PCDH9: variants seen among roughly 807,000 people sequenced by gnomAD.
PCDH9 encodes the protein protocadherin 9, also known as protocadherin-9.
A neutral mutation model predicts 70.6 loss-of-function variants in PCDH9; 24 were observed. The observed-to-expected ratio is 0.34, with a 90% CI of 0.25 to 0.48. The LOEUF (loss-of-function observed/expected upper bound fraction) is 0.48, where lower values mean the gene tolerates loss of function less well. Among genes scored for constraint, PCDH9 ranks in the 20% least tolerant of loss-of-function variants. The probability of loss-of-function intolerance (pLI) is 0.99; values close to 1 mark genes in which losing one functional copy is unlikely to be tolerated. For synonymous variants in PCDH9, 562 were observed against 558.5 expected (o/e 1.01, Z -0.09); for missense variants, 1,281 against 1,503.6 (o/e 0.85, Z 2.45).
intron 4 of PCDH9, among the ~76,000 whole-genome samples, chr13:66,582,491 T>G (rs1457322614): frequency 6.6e-6 from 1 of 151,788 alleles, no homozygotes; most frequent in African/African-American, 2.4e-5. Flanking sequence ...AAATTAACCT[T>G]GTGTGGTGTT....
At chr13:67,115,752 T>C (rs1008970224) in intron 2 of PCDH9, among the ~76,000 whole-genome samples, 2 of 152,228 alleles carry the variant, frequency 1.3e-5, no homozygotes, top group African/African-American at 4.8e-5. Flanking sequence ...GACTTTAATA[T>C]GTGGTATTTT....
At chr13:66,692,303 T>TA (rs1474916391) in intron 3 of PCDH9, among the ~76,000 whole-genome samples, 1 of 151,834 alleles carries the variant, frequency 6.6e-6, no homozygotes, top group African/African-American at 2.4e-5. Flanking sequence ...TATTGAAAAA[T>TA]AAAAAAAGCA....
At chr13:67,138,212 T>C (rs1466174206) in intron 2 of PCDH9, among the ~76,000 whole-genome samples, 4 of 152,096 alleles carry the variant, frequency 2.6e-5, no homozygotes, top group African/African-American at 7.2e-5. Flanking sequence ...CTATACAAAA[T>C]GGCAAAAAGA....
chr13:66,578,781 C>T (rs1276174553), intron 4 of PCDH9, among the ~76,000 whole-genome samples: 1 of 152,040 alleles, frequency 6.6e-6, no homozygotes, highest in Non-Finnish European at 1.5e-5. Context: ...AACATAATGA[C>T]ACATAATATG....
At chr13:66,360,620 G>A (rs1398586852) in intron 4 of PCDH9, among the ~76,000 whole-genome samples, 1 of 152,004 alleles carries the variant, frequency 6.6e-6, no homozygotes, top group Non-Finnish European at 1.5e-5. Flanking sequence ...CTACCTATAA[G>A]TAACAAATGT....
intron 4 of PCDH9, among the ~76,000 whole-genome samples, chr13:66,508,820 T>C (rs994051582): frequency 6.6e-6 from 1 of 152,346 alleles, no homozygotes; most frequent in African/African-American, 2.4e-5. Flanking sequence ...CAATGAAGAA[T>C]TTGAAAGCTA....
At chr13:66,683,857 T>G (rs945036595) in intron 3 of PCDH9, among the ~76,000 whole-genome samples, 2 of 151,992 alleles carry the variant, frequency 1.3e-5, no homozygotes, top group African/African-American at 2.4e-5. Context: ...AAGCCCTTTT[T>G]TCACACAGTC....
chr13:66,713,928 C>A (rs1285071048), intron 3 of PCDH9, among the ~76,000 whole-genome samples: 1 of 152,088 alleles, frequency 6.6e-6, no homozygotes, highest in East Asian at 1.9e-4. Flanking sequence ...GTGACTCCTG[C>A]TAAATATTCT....
intron 4 of PCDH9, among the ~76,000 whole-genome samples, chr13:66,573,216 C>G (rs2076759385): frequency 7.0e-6 from 1 of 143,506 alleles, no homozygotes; most frequent in Admixed American, 6.9e-5. Flanking sequence ...TACTTTTTGG[C>G]TATTTGTATG....
At chr13:66,665,298 C>T (rs1012842515) in intron 3 of PCDH9, among the ~76,000 whole-genome samples, 1 of 152,034 alleles carries the variant, frequency 6.6e-6, no homozygotes, top group African/African-American at 2.4e-5. Context: ...AGGGTCTCAC[C>T]ATGTTGGCCA....
chr13:66,680,396 T>C (rs1162633977), intron 3 of PCDH9, among the ~76,000 whole-genome samples: 1 of 151,988 alleles, frequency 6.6e-6, no homozygotes, highest in African/African-American at 2.4e-5. Flanking sequence ...CTGCAACCTG[T>C]GATATTTAAC....
At chr13:67,046,758 C>A (rs1375076405) in intron 2 of PCDH9, among the ~76,000 whole-genome samples, 1 of 151,612 alleles carries the variant, frequency 6.6e-6, no homozygotes, top group Non-Finnish European at 1.5e-5. Context: ...ATAGAAAAAA[C>A]ACACTAAGAA....
chr13:66,744,844 A>G (rs2079333734), intron 3 of PCDH9, among the ~76,000 whole-genome samples: 1 of 152,154 alleles, frequency 6.6e-6, no homozygotes. Context: ...TAGTTCTGGC[A>G]TTTACTGACT....
intron 4 of PCDH9, among the ~76,000 whole-genome samples, chr13:66,432,704 A>G (rs1343207443): frequency 1.3e-5 from 2 of 151,938 alleles, no homozygotes; most frequent in African/African-American, 2.4e-5. Flanking sequence ...ACCTCTTCCC[A>G]TCACAATTGA....
chr13:67,030,186 T>C (rs535326033), intron 2 of PCDH9, among the ~76,000 whole-genome samples: 1 of 152,314 alleles, frequency 6.6e-6, no homozygotes, highest in East Asian at 1.9e-4. Flanking sequence ...GTTCAAGCTC[T>C]GGAGCTATAG....
intron 4 of PCDH9, among the ~76,000 whole-genome samples, chr13:66,548,998 A>G (rs1223659463): frequency 2.6e-5 from 4 of 152,090 alleles, no homozygotes; most frequent in Non-Finnish European, 5.9e-5. Context: ...TAATTAATTC[A>G]AGGAAAACCA....
intron 2 of PCDH9, among the ~76,000 whole-genome samples, chr13:67,190,978 A>G (rs1026860379): frequency 2.0e-5 from 3 of 152,082 alleles, no homozygotes; most frequent in African/African-American, 7.2e-5. Flanking sequence ...ACACTAACAA[A>G]TGATTGCACA....
At chr13:66,387,574 TC>T (rs1956950920) in intron 4 of PCDH9, among the ~76,000 whole-genome samples, 2 of 150,982 alleles carry the variant, frequency 1.3e-5, no homozygotes, top group African/African-American at 4.9e-5. Flanking sequence ...TCCAGCACCT[TC>T]CTCCTTTCTC....
chr13:67,212,725 A>G (rs1347640960), intron 2 of PCDH9: 1 of 152,172 alleles, frequency 6.6e-6, no homozygotes, highest in Non-Finnish European at 1.5e-5. Context: ...ATAAGTTTGG[A>G]TATCATCTCA....
Sources: allele counts gnomAD v4.1 joint callset (sites outside exome capture counted in the v4.1 genomes callset), GRCh38; gene constraint gnomAD v4.1.1; transcripts MANE v1.5; gene names NCBI Gene and HGNC (gene_info 2026-07-23, HGNC 2026-07-21).